The following ARB2A variants were observed in gnomAD, a reference collection of about 807,000 sequenced individuals.
The protein encoded by ARB2A is cotranscriptional regulator ARB2A.
At chr5:93,704,735 T>C in the ARB2A span, among the ~76,000 whole-genome samples, 9 of 152,244 alleles carry the variant, frequency 5.9e-5, no homozygotes, top group Admixed American at 1.3e-4. Context: ...AATGTGTCAG[T>C]GGTACCACAC....
At chr5:93,961,463 C>T in the ARB2A span, among the ~76,000 whole-genome samples, 51 of 152,188 alleles carry the variant, frequency 3.4e-4, no homozygotes, top group Admixed American at 9.8e-4. Flanking sequence ...CGATAAAGGA[C>T]CACTTGAGTC....
At chr5:94,019,000 T>C in the ARB2A span, among the ~76,000 whole-genome samples, 1 of 151,888 alleles carries the variant, frequency 6.6e-6, no homozygotes, top group Non-Finnish European at 1.5e-5. Context: ...ATCTCAGAAA[T>C]AACATCACAC....
the ARB2A span, among the ~76,000 whole-genome samples, chr5:93,929,352 T>A: frequency 6.6e-6 from 1 of 152,162 alleles, no homozygotes; most frequent in East Asian, 1.9e-4. Flanking sequence ...ATCTCATATA[T>A]GGTAGTTGTA....
the ARB2A span, among the ~76,000 whole-genome samples, chr5:93,896,887 A>G: frequency 3.3e-5 from 5 of 152,072 alleles, no homozygotes; most frequent in African/African-American, 1.2e-4. Context: ...TAAAAAATAC[A>G]TTAACATTTT....
chr5:93,852,811 T>C, the ARB2A span, among the ~76,000 whole-genome samples: 1 of 152,204 alleles, frequency 6.6e-6, no homozygotes, highest in Admixed American at 6.5e-5. Flanking sequence ...TCCATTGATC[T>C]AGTTCTCTGT....
the ARB2A span, among the ~76,000 whole-genome samples, chr5:93,692,870 A>T: frequency 6.6e-6 from 1 of 152,218 alleles, no homozygotes; most frequent in Non-Finnish European, 1.5e-5. Flanking sequence ...CCACAGTGCA[A>T]TCAAATTAGA....
chr5:93,732,882 TA>T, the ARB2A span, among the ~76,000 whole-genome samples: 2,467 of 149,580 alleles, frequency 0.016, 64 homozygotes, highest in African/African-American at 0.051. Context: ...GCAAAAATTC[TA>T]AAAAAAAAAT....
At chr5:93,697,603 A>C in the ARB2A span, among the ~76,000 whole-genome samples, 3 of 152,296 alleles carry the variant, frequency 2.0e-5, no homozygotes, top group African/African-American at 7.2e-5. Context: ...TAACCACCAA[A>C]GTGAAAGTTT....
chr5:93,838,465 G>A, the ARB2A span, among the ~76,000 whole-genome samples: 7 of 151,952 alleles, frequency 4.6e-5, no homozygotes, highest in Admixed American at 2.0e-4. Context: ...GCTTATGAGT[G>A]CCTTGGCTAT....
the ARB2A span, among the ~76,000 whole-genome samples, chr5:93,664,157 T>C: frequency 1.5e-4 from 23 of 151,884 alleles, no homozygotes; most frequent in Non-Finnish European, 3.4e-4. Flanking sequence ...CATAGCTCAA[T>C]GCAGCCTCAA....
chr5:93,751,790 T>C, the ARB2A span, among the ~76,000 whole-genome samples: 1 of 152,328 alleles, frequency 6.6e-6, no homozygotes, highest in South Asian at 2.1e-4. Flanking sequence ...GACAGATTTA[T>C]TACTGGTGAC....
the ARB2A span, among the ~76,000 whole-genome samples, chr5:93,971,609 T>A: frequency 1.6e-4 from 24 of 150,390 alleles, no homozygotes; most frequent in African/African-American, 5.6e-4. Context: ...AATAAATAAA[T>A]AAAACAAAAA....
the ARB2A span, chr5:93,865,870 T>C: frequency 1.0e-6 from 1 of 985,294 alleles, no homozygotes; most frequent in Non-Finnish European, 1.2e-6. Flanking sequence ...AAATATGAGG[T>C]TAAAAGGTAG....
At chr5:94,089,220 G>A in the ARB2A span, among the ~76,000 whole-genome samples, 1 of 152,108 alleles carries the variant, frequency 6.6e-6, no homozygotes, top group African/African-American at 2.4e-5. Flanking sequence ...CTGCATGAGA[G>A]TTAAACTTCC....
chr5:93,849,432 T>G, the ARB2A span, among the ~76,000 whole-genome samples: 1 of 152,082 alleles, frequency 6.6e-6, no homozygotes, highest in Non-Finnish European at 1.5e-5. Context: ...TGAGGAAATA[T>G]TAAATAATTT....
the ARB2A span, among the ~76,000 whole-genome samples, chr5:93,633,192 A>T: frequency 6.6e-6 from 1 of 152,176 alleles, no homozygotes; most frequent in Non-Finnish European, 1.5e-5. Flanking sequence ...ATTAAACCTC[A>T]TGAAAGTTTT....
chr5:93,626,881 A>C, the ARB2A span, among the ~76,000 whole-genome samples: 1 of 152,202 alleles, frequency 6.6e-6, no homozygotes, highest in African/African-American at 2.4e-5. Flanking sequence ...CTTTCCTGAA[A>C]GATTTCTCTG....
the ARB2A span, among the ~76,000 whole-genome samples, chr5:93,994,893 A>G: frequency 6.6e-6 from 1 of 151,562 alleles, no homozygotes; most frequent in Admixed American, 6.6e-5. Context: ...GTGAAAGAGC[A>G]AGACCCTGTC....
At chr5:93,703,836 C>T in the ARB2A span, among the ~76,000 whole-genome samples, 1 of 152,172 alleles carries the variant, frequency 6.6e-6, no homozygotes, top group African/African-American at 2.4e-5. Context: ...TCTCACACTC[C>T]TTAATCCATT....
Sources: allele counts gnomAD v4.1 joint callset (sites outside exome capture counted in the v4.1 genomes callset), GRCh38; gene constraint gnomAD v4.1.1; transcripts MANE v1.5; gene names NCBI Gene and HGNC (gene_info 2026-07-23, HGNC 2026-07-21).